The following CSMD1 variants were observed in gnomAD, a reference collection of about 807,000 sequenced individuals.
The protein encoded by CSMD1 is CUB and Sushi multiple domains 1, also known as CUB and sushi domain-containing protein 1.
Under a neutral mutation model 417.5 loss-of-function variants are expected in CSMD1, and 213 were observed. The observed-to-expected ratio is 0.51, with a 90% confidence interval of 0.46 to 0.57. The LOEUF is 0.57. CSMD1 is among the 20% of genes least tolerant of loss of function. The pLI, the probability that CSMD1 is intolerant of heterozygous loss-of-function variation, is 0.00. For synonymous variants in CSMD1, 2,862 were observed against 1,736.8 expected, an observed-to-expected ratio of 1.65 and a Z score of -16.11; for missense variants, 6,923 against 4,529.7, an observed-to-expected ratio of 1.53 and a Z score of -15.17.
At chr8:4,269,123 C>G (rs891345855) in intron 3 of CSMD1, among the ~76,000 whole-genome samples, 6 of 152,178 alleles carry the variant, frequency 3.9e-5, no homozygotes, top group Admixed American at 6.5e-5. Flanking sequence ...GTGGTGTGAT[C>G]TTGGCTCACT....
At chr8:3,564,645 GTTCTGA>G in intron 10 of CSMD1, among the ~76,000 whole-genome samples, 1 of 64,732 alleles carries the variant, frequency 1.5e-5, no homozygotes, top group East Asian at 3.7e-4. Flanking sequence ...AATCTATTTA[GTTCTGA>G]AAGTTAAGAA....
At chr8:3,652,593 G>T (rs1036806687) in intron 7 of CSMD1, among the ~76,000 whole-genome samples, 6 of 152,210 alleles carry the variant, frequency 3.9e-5, no homozygotes, top group Admixed American at 3.9e-4. Flanking sequence ...GTCGTACACG[G>T]TGACAGGCAA....
At chr8:3,677,404 G>A (rs144156666) in intron 7 of CSMD1, among the ~76,000 whole-genome samples, 1 of 152,216 alleles carries the variant, frequency 6.6e-6, no homozygotes, top group East Asian at 1.9e-4. Context: ...CCAGTTCAAG[G>A]CCAATGCATG....
chr8:4,093,880 A>C (rs1174129306), intron 3 of CSMD1, among the ~76,000 whole-genome samples: 2 of 152,154 alleles, frequency 1.3e-5, no homozygotes, highest in East Asian at 1.9e-4. Context: ...GAATCACTTG[A>C]ACGCAGGAGG....
chr8:3,432,549 C>G (rs1448634575), intron 12 of CSMD1, among the ~76,000 whole-genome samples: 1 of 113,878 alleles, frequency 8.8e-6, no homozygotes, highest in Non-Finnish European at 1.7e-5. Flanking sequence ...CTCACTTTGT[C>G]ACCAGGCTGG....
At position 2,938,820 on chromosome 8, in the gene CSMD1, G is replaced by C. The variant is rs1386288827; in HGVS notation, c.10536-76C>G. 3.0e-6 allele frequency: 4 copies of C among 1,338,954 alleles called. No individual in the cohort carries two copies. The South Asian group carries it at 4.1e-5, about 14-fold the overall frequency. 82.9% of individuals were successfully genotyped at this position (1,338,954 alleles called of 1,614,324 possible). ...TTAGCAGCTGGGACTGTGTGCAGGAGACAACGTCTACAGAGCAGGGAGCAG... is the reference window on the plus strand; with the variant it reads ...TTAGCAGCTGGGACTGTGTGCAGGACACAACGTCTACAGAGCAGGGAGCAG... On this transcript the variant is annotated intron_variant, in intron 69 of 69. Coordinates refer to ENST00000635120, the MANE Select transcript of CSMD1 (RefSeq NM_033225.6).
intron 12 of CSMD1, among the ~76,000 whole-genome samples, chr8:3,452,962 T>A (rs570072799): frequency 6.6e-6 from 1 of 152,214 alleles, no homozygotes; most frequent in Non-Finnish European, 1.5e-5. Context: ...TTTTTTTGGT[T>A]GGTAAGCTAT....
At chr8:3,145,354 G>T (rs977900203) in intron 40 of CSMD1, among the ~76,000 whole-genome samples, 3 of 152,112 alleles carry the variant, frequency 2.0e-5, no homozygotes, top group African/African-American at 7.2e-5. Flanking sequence ...GCAGACTTCA[G>T]ATATATTTAT....
Position 3,396,470 on chromosome 8 carries a change from C to A in CSMD1, c.2406-89G>T, listed in dbSNP as rs1312772273. ...GACATCCTCATTCCTTAATCAGAAA[C>A]CCATGTACGTTAACATGAAGAAAAT... On this transcript the variant is annotated intron_variant, in intron 16 of 69. Transcript: ENST00000635120. 3.3e-6 allele frequency: 3 copies of A among 912,256 alleles called. No individual in the cohort carries two copies. The East Asian group carries it at 8.2e-5, about 25-fold the overall frequency. The allele number at this position is 912,256 out of a possible 1,614,324, so 56.5% of individuals were successfully genotyped here.
At chr8:4,285,421 A>T (rs1046714459) in intron 3 of CSMD1, among the ~76,000 whole-genome samples, 1 of 152,236 alleles carries the variant, frequency 6.6e-6, no homozygotes, top group Non-Finnish European at 1.5e-5. Flanking sequence ...CACATTTCTC[A>T]TAAGAAACAC....
intron 49 of CSMD1, among the ~76,000 whole-genome samples, chr8:3,082,360 G>A (rs1280662028): frequency 1.3e-5 from 2 of 152,134 alleles, no homozygotes; most frequent in Non-Finnish European, 2.9e-5. Flanking sequence ...GATTTCCTAT[G>A]GGCTGCTCCT....
intron 2 of CSMD1, among the ~76,000 whole-genome samples, chr8:4,478,514 AAATC>A (rs1422857693): frequency 1.3e-5 from 2 of 152,224 alleles, no homozygotes; most frequent in African/African-American, 4.8e-5. Context: ...GTAGATGTAT[AAATC>A]AAAGAAAATT....
At chr8:3,485,950 A>T (rs1388966195) in intron 11 of CSMD1, among the ~76,000 whole-genome samples, 2 of 152,090 alleles carry the variant, frequency 1.3e-5, no homozygotes, top group African/African-American at 4.8e-5. Context: ...GTCTATAAAG[A>T]TCCCTTCGTA....
rs546109473 is a variant in CSMD1 at position 4,572,019 on chromosome 8, G to A, written c.302+65323C>T. ...TTATTTGGAGCCTATGTGTGTCTTC[G>A]CACATGAGTCTCCTGAATACAGCAC... is the stretch of plus-strand genomic sequence containing the variant. On this transcript the variant is annotated intron_variant, in intron 2 of 69. Coordinates refer to ENST00000635120, the MANE Select transcript of CSMD1 (RefSeq NM_033225.6). 2.4e-4 allele frequency among the ~76,000 whole-genome samples: 36 copies of A among 152,080 alleles called. No homozygotes were observed. In the South Asian group the frequency reaches 7.0e-3, roughly 30 times the overall value.
chr8:3,779,086 G>C (rs1371095056), intron 5 of CSMD1, among the ~76,000 whole-genome samples: 2 of 151,688 alleles, frequency 1.3e-5, no homozygotes, highest in Non-Finnish European at 2.9e-5. Flanking sequence ...ATGGAATGTA[G>C]GTTAAAAGAC....
At chr8:4,460,974 G>A (rs977040217) in intron 2 of CSMD1, among the ~76,000 whole-genome samples, 1 of 152,074 alleles carries the variant, frequency 6.6e-6, no homozygotes, top group Non-Finnish European at 1.5e-5. Flanking sequence ...AGAAACTACA[G>A]ACTAGTATTT....
chr8:4,578,222 G>T (rs977842360), intron 2 of CSMD1, among the ~76,000 whole-genome samples: 3 of 151,692 alleles, frequency 2.0e-5, no homozygotes. Flanking sequence ...GTGCAGTGGC[G>T]TGATCTCGGC....
intron 2 of CSMD1, among the ~76,000 whole-genome samples, chr8:4,526,607 C>T (rs1231458241): frequency 6.6e-6 from 1 of 152,224 alleles, no homozygotes; most frequent in African/African-American, 2.4e-5. Flanking sequence ...ATGTCTCTTT[C>T]ACCAACTTGA....
intron 3 of CSMD1, among the ~76,000 whole-genome samples, chr8:4,146,519 T>C (rs907539726): frequency 1.3e-5 from 2 of 149,360 alleles, no homozygotes; most frequent in African/African-American, 5.1e-5. Context: ...GCACAGTGTG[T>C]GTTCTCTGGT....
Sources: gnomAD v4.1 joint callset for allele counts (sites outside exome capture counted in the v4.1 genomes callset) on GRCh38, gnomAD v4.1.1 for gene constraint, MANE v1.5 for transcripts, NCBI Gene and HGNC (gene_info 2026-07-23, HGNC 2026-07-21) for gene names.